CDC23: variants seen among roughly 807,000 people sequenced by gnomAD.
CDC23 encodes cell division cycle 23.
A neutral mutation model predicts 81.7 loss-of-function variants in CDC23; 26 were observed. The ratio of observed to expected loss-of-function variants is 0.32; its 90% confidence interval spans 0.23 to 0.44. CDC23 has a LOEUF of 0.44. Ranked by LOEUF, CDC23 falls within the 20% of genes least tolerant of loss-of-function variation. CDC23 has a pLI of 1.00. For missense variants in CDC23, 519 were observed against 728.0 expected, an observed-to-expected ratio of 0.71 and a Z score of 3.30; for synonymous variants, 267 against 270.8, an observed-to-expected ratio of 0.99 and a Z score of 0.14.
At chr5:138,211,125 C>T (rs1755107758) in intron 2 of CDC23, among the ~76,000 whole-genome samples, 1 of 152,142 alleles carries the variant, frequency 6.6e-6, no homozygotes, top group Non-Finnish European at 1.5e-5. Flanking sequence ...TCTAGGTGCC[C>T]ATCAATGGTG....
chr5:138,202,235 T>G, intron 3 of CDC23, 80 bp from the exon 4 acceptor site: 3 of 1,061,654 alleles, frequency 2.8e-6, no homozygotes, highest in Non-Finnish European at 2.8e-6. Flanking sequence ...TGATCCTACC[T>G]AAAGGGCCAA....
intron 3 of CDC23, among the ~76,000 whole-genome samples, chr5:138,204,671 G>A (rs947830418): frequency 2.6e-5 from 4 of 151,278 alleles, no homozygotes; most frequent in Non-Finnish European, 5.9e-5. Context: ...CCAGGCTGGA[G>A]TATAGTGGTA....
Position 138,202,158 on chromosome 5 carries a change from G to A in CDC23, c.373-3C>T. 1 of 1,606,120 alleles carries A rather than the reference G, an allele frequency of 6.2e-7. No individual in the cohort carries two copies. The highest frequency in any genetic ancestry group is 1.3e-5 in the African/African-American group (1 of 74,662). On this transcript the variant is annotated splice_region_variant and splice_polypyrimidine_tract_variant and intron_variant, in intron 3 of 15. Transcript: ENST00000394886. Reference sequence around the variant, plus strand: ...TCGTCCTTCTTTTTTTCTCCAGACTGTAAGAGAAAATCAACAAATAGGTCT... The same window carrying A: ...TCGTCCTTCTTTTTTTCTCCAGACTATAAGAGAAAATCAACAAATAGGTCT...
intron 9 of CDC23, among the ~76,000 whole-genome samples, chr5:138,195,474 C>T (rs887548299): frequency 4.4e-5 from 6 of 135,106 alleles, no homozygotes; most frequent in African/African-American, 1.7e-4. Context: ...CTTAACTATG[C>T]TATACTGCAG....
intron 3 of CDC23, 110 bp from the exon 4 acceptor site, chr5:138,202,265 GA>G (rs992151203): frequency 1.4e-6 from 1 of 706,736 alleles, no homozygotes; most frequent in African/African-American, 1.8e-5. Flanking sequence ...AAATGGCATC[GA>G]CTTTTGGTCA....
chr5:138,201,505 AT>A, intron 4 of CDC23, 57 bp from the exon 5 acceptor site: 1 of 1,162,574 alleles, frequency 8.6e-7, no homozygotes. Flanking sequence ...TCATTTTCTT[AT>A]TTTATTTATT....
At position 138,189,025 on chromosome 5, in the gene CDC23, G is replaced by C. The variant is rs761557795; in HGVS notation, c.1747C>G (p.Pro583Ala). Residue 583 changes from proline to alanine, a missense_variant, in exon 16 of 16, where the codon CCC (proline) becomes GCC (alanine). Around this residue, in one of 4 missense-constraint regions of CDC23, gnomAD observed 38 missense variants for 34.7 expected, o/e 1.10. Transcript: ENST00000394886. ...TTGAGTGGAGAAACTCTGCGTGTGG[G>C]GGTATTGTTAGCAGAGAGTGAAGCA... Reference protein sequence around the residue: ...LPASLSANNTPTRRVSPLNLS... With the variant: ...LPASLSANNTATRRVSPLNLS... 10 of 1,613,974 alleles carry C rather than the reference G, an allele frequency of 6.2e-6. No homozygotes were observed. Among genetic ancestry groups the C allele is most frequent in the Non-Finnish European group, 8.5e-6 (10 of 1,179,996 alleles).
intron 3 of CDC23, among the ~76,000 whole-genome samples, chr5:138,203,695 T>G (rs1755015687): frequency 6.6e-6 from 1 of 152,176 alleles, no homozygotes; most frequent in South Asian, 2.1e-4. Flanking sequence ...GCCAATCACC[T>G]GAGGTCAGGA....
At chr5:138,204,629 C>CTTTTTTT (rs71585106) in intron 3 of CDC23, among the ~76,000 whole-genome samples, 45,144 of 147,942 alleles carry the variant, frequency 0.31, 7,173 homozygotes, top group South Asian at 0.41. Flanking sequence ...TCTCTTTTTT[C>CTTTTTTT]TTTTTTTGGA....
At chr5:138,208,526 C>CA in intron 2 of CDC23, among the ~76,000 whole-genome samples, 1 of 151,356 alleles carries the variant, frequency 6.6e-6, no homozygotes, top group South Asian at 2.1e-4. Context: ...CTGAATGGGA[C>CA]AAAAAAATCA....
Position 138,188,948 on chromosome 5 carries a change from C to T in CDC23, c.*30G>A, listed in dbSNP as rs749859477. ...GAGGTAAGGCTTAATTAAGATGGGT[C>T]TAACAATGTGCTGGCTTGAGAGTAG... On this transcript the variant is annotated 3_prime_UTR_variant, in exon 16 of 16. Transcript: ENST00000394886. The T allele has an allele frequency of 6.2e-6, 10 of 1,607,580 alleles. No individual in the cohort carries two copies. Among genetic ancestry groups the T allele is most frequent in the Non-Finnish European group, 7.7e-6 (9 of 1,176,100 alleles).
Position 138,201,414 on chromosome 5 carries a change from C to T in CDC23, c.450G>A (p.Ala150=), listed in dbSNP as rs144579980. ...TGAGCTCCACTCTCAATTCTCTAAGCGCCTCATTTTTCACTTGTCCTTTTT... is the reference window on the plus strand; with the variant it reads ...TGAGCTCCACTCTCAATTCTCTAAGTGCCTCATTTTTCACTTGTCCTTTTT... ...PLEKGQVKNE[A]LRELRVELSK... The change falls in exon 5 of 16, where the codon GCG becomes GCA. Residue 150 remains alanine, a synonymous_variant. Transcript: ENST00000394886. The T allele has an allele frequency of 2.2e-5, 36 of 1,614,014 alleles. No homozygotes were observed. In the African/African-American group the frequency reaches 2.4e-4, roughly 11 times the overall value.
rs1754838019 is a variant in CDC23 at position 138,192,495 on chromosome 5, G to A, written c.1166+9C>T. ...AATCTGCTCTACCTCACCACCTATA[G>A]ATAATCACCTATAAGCCTGGATAGC... On this transcript the variant is annotated intron_variant, in intron 10 of 15. Transcript: ENST00000394886. 1 of 1,613,810 alleles carries A rather than the reference G, an allele frequency of 6.2e-7. No individual in the cohort carries two copies. The highest frequency in any genetic ancestry group is 8.5e-7 in the Non-Finnish European group (1 of 1,179,890).
At chr5:138,196,895 T>C (rs1323524378) in intron 9 of CDC23, among the ~76,000 whole-genome samples, 1 of 142,976 alleles carries the variant, frequency 7.0e-6, no homozygotes, top group Non-Finnish European at 1.5e-5. Flanking sequence ...TTTTCCTTTT[T>C]TTTTTTTTTT....
chr5:138,191,405 A>G, intron 13 of CDC23, 69 bp downstream of exon 13: 2 of 1,291,760 alleles, frequency 1.5e-6, no homozygotes, highest in African/African-American at 1.5e-5. Context: ...GAGGCTCTAG[A>G]CCATGCAGGA....
In CDC23 at chr5:138,198,651, G is replaced by A. The variant is rs749162400; in HGVS notation, c.786C>T (p.Ser262=). 1 of 1,614,144 alleles carries A rather than the reference G, an allele frequency of 6.2e-7. No individual in the cohort carries two copies. Among genetic ancestry groups the A allele is most frequent in the East Asian group, 2.2e-5 (1 of 44,866 alleles). The part of the protein sequence containing the change: ...QNLIDVGFSK[S]SYIVSQIAVA... ...CTGCAATTTGGGAAACAATATACGAGCTCTTAGAGAAGCCCACATCAATGA... is the reference window on the plus strand; with the variant it reads ...CTGCAATTTGGGAAACAATATACGAACTCTTAGAGAAGCCCACATCAATGA... The change falls in exon 7 of 16, where the codon AGC becomes AGT. Residue 262 remains serine, a synonymous_variant. Coordinates refer to ENST00000394886, the MANE Select transcript of CDC23 (RefSeq NM_004661.4).
Position 138,198,550 on chromosome 5 carries a change from C to T in CDC23, c.833-27G>A, listed in dbSNP as rs1235323057. ...TGCAGAAAGAAGATAGTTCAGAAAA[C>T]AGCACAATGCACCTGTCAGGGTCTG... On this transcript the variant is annotated intron_variant, in intron 7 of 15. Transcript: ENST00000394886. The T allele has an allele frequency of 4.3e-6, 7 of 1,612,590 alleles. No homozygotes were observed. In the South Asian group the frequency reaches 6.6e-5, roughly 15 times the overall value.
At chr5:138,195,722 GTATATATATACATATAATA>G (rs1561634116) in intron 9 of CDC23, among the ~76,000 whole-genome samples, 6 of 52,426 alleles carry the variant, frequency 1.1e-4, no homozygotes, top group Non-Finnish European at 2.5e-4. Flanking sequence ...TAATATATAT[GTATATATATACATATAATA>G]TATATGTATA....
rs778294503 is a variant in CDC23 at position 138,201,447 on chromosome 5, G to T, written c.417C>A (p.Gly139=). 50 of 1,606,766 alleles carry T rather than the reference G, an allele frequency of 3.1e-5. No homozygotes were observed. In the African/African-American group the frequency reaches 4.8e-4, roughly 15 times the overall value. Reference sequence around the variant, plus strand: ...TTTTCACTTGTCCTTTTTCCAGGGGGCCTAGGAAAGAAACAGAGTCTCTGT... The same window carrying T: ...TTTTCACTTGTCCTTTTTCCAGGGGTCCTAGGAAAGAAACAGAGTCTCTGT... ...KKDDETVDSL[G]PLEKGQVKNE... is the part of the protein sequence containing the mutation. Residue 139 remains glycine, a splice_region_variant and synonymous_variant, in exon 5 of 16, where the codon GGC becomes GGA. Transcript: ENST00000394886.
Sources: allele counts gnomAD v4.1 joint callset (sites outside exome capture counted in the v4.1 genomes callset), GRCh38; gene constraint gnomAD v4.1.1; regional missense constraint gnomAD v4.1.1; transcripts MANE v1.5; gene names NCBI Gene and HGNC (gene_info 2026-07-23, HGNC 2026-07-21).